The following RNASEH2B variants were observed in gnomAD, a reference collection of about 807,000 sequenced individuals.
The protein encoded by RNASEH2B is Aicardi-Goutieres syndrome 2 protein.
RNASEH2B carries 36 observed loss-of-function variants against 45.0 expected under a neutral mutation model. The ratio of observed to expected loss-of-function variants is 0.80; its 90% CI spans 0.61 to 1.06. The LOEUF is 1.06. Ranked by LOEUF, RNASEH2B falls within the 50% of genes least tolerant of loss-of-function variation. The pLI, the probability that RNASEH2B is intolerant of heterozygous loss-of-function variation, is 0.00. For synonymous variants in RNASEH2B, 119 were observed against 125.7 expected, an observed-to-expected ratio of 0.95 and a Z score of 0.35; for missense variants, 361 against 360.3, an observed-to-expected ratio of 1.00 and a Z score of -0.02.
intron 9 of RNASEH2B, among the ~76,000 whole-genome samples, chr13:50,963,180 T>C (rs955326297): frequency 6.6e-6 from 1 of 152,280 alleles, no homozygotes; most frequent in Non-Finnish European, 1.5e-5. Context: ...TTATTTATTT[T>C]TGAGATGGAG....
At chr13:50,935,250 A>G (rs1951733060) in intron 5 of RNASEH2B, 1 of 497,140 alleles carries the variant, frequency 2.0e-6, no homozygotes, top group Admixed American at 3.4e-5. Flanking sequence ...CTTCAGTCTC[A>G]CTTCTTCTTT....
intron 1 of RNASEH2B, among the ~76,000 whole-genome samples, chr13:50,924,459 A>G (rs1951565085): frequency 6.6e-6 from 1 of 152,212 alleles, no homozygotes. Flanking sequence ...GTCTATTGGG[A>G]AGATATCATA....
At chr13:50,965,684 A>C (rs777634762) in intron 9 of RNASEH2B, among the ~76,000 whole-genome samples, 1 of 152,216 alleles carries the variant, frequency 6.6e-6, no homozygotes, top group Non-Finnish European at 1.5e-5. Flanking sequence ...AAACTCACTC[A>C]TAAACTTGTA....
chr13:50,918,917 C>G (rs1435525744), intron 1 of RNASEH2B, among the ~76,000 whole-genome samples: 1 of 151,876 alleles, frequency 6.6e-6, no homozygotes, highest in Admixed American at 6.6e-5. Flanking sequence ...TTTCTTTTTT[C>G]TATTGGATCT....
At chr13:50,945,588 T>A in intron 7 of RNASEH2B, 56 bp downstream of exon 7, 2 of 1,098,560 alleles carry the variant, frequency 1.8e-6, no homozygotes, top group Non-Finnish European at 2.8e-6. Context: ...TGCTTATGTG[T>A]AAATGCCTAT....
chr13:50,927,981 G>C, intron 2 of RNASEH2B, among the ~76,000 whole-genome samples: 1 of 150,140 alleles, frequency 6.7e-6, no homozygotes, highest in East Asian at 1.9e-4. Context: ...TTTTTTCTCC[G>C]TCAGGGGACT....
chr13:50,949,547 A>G (rs751497437), intron 9 of RNASEH2B, 42 bp downstream of exon 9: 54 of 1,543,714 alleles, frequency 3.5e-5, no homozygotes, highest in Non-Finnish European at 4.7e-5. Flanking sequence ...GACTTAGAAA[A>G]ATATTACACT....
rs1004925162 is a variant in RNASEH2B at position 50,910,036 on chromosome 13, C to T, written c.-41C>T. On this transcript the variant is annotated 5_prime_UTR_variant, in exon 1 of 11. Transcript: ENST00000336617. ...TCGGCGGGGCTGGGAGACTGAGGCC[C>T]GCGGCGCTGAGCCTGCGGCGCCCCG... 10 of 1,458,868 alleles carry T rather than the reference C, an allele frequency of 6.9e-6. No homozygotes were observed. In the East Asian group the frequency reaches 1.5e-4, roughly 22 times the overall value. 90.4% of individuals were successfully genotyped at this position (1,458,868 alleles called of 1,614,324 possible). A position where few individuals can be genotyped will look rare whatever the true frequency, so the allele number is the denominator to read the frequency against.
At chr13:50,933,697 AG>A (rs1406650931) in intron 4 of RNASEH2B, among the ~76,000 whole-genome samples, 1 of 152,230 alleles carries the variant, frequency 6.6e-6, no homozygotes, top group African/African-American at 2.4e-5. Context: ...ATGAAACACT[AG>A]TTAATTACAA....
intron 5 of RNASEH2B, among the ~76,000 whole-genome samples, chr13:50,939,948 T>G (rs1951813676): frequency 6.6e-6 from 1 of 152,150 alleles, no homozygotes; most frequent in African/African-American, 2.4e-5. Flanking sequence ...TTTTGAAAAA[T>G]GCCATTAAGA....
chr13:50,918,304 A>T, intron 1 of RNASEH2B, among the ~76,000 whole-genome samples: 1 of 151,848 alleles, frequency 6.6e-6, no homozygotes, highest in East Asian at 1.9e-4. Flanking sequence ...TGCCCAGCTA[A>T]TTTTTTGTAT....
chr13:50,931,955 T>TACACACACAC (rs60335654), intron 4 of RNASEH2B, among the ~76,000 whole-genome samples: 31,089 of 148,778 alleles, frequency 0.21, 3,400 homozygotes, highest in Non-Finnish European at 0.25. Flanking sequence ...CATCTCATTT[T>TACACACACAC]ACACACACAC....
intron 3 of RNASEH2B, chr13:50,930,295 C>G: frequency 3.2e-6 from 1 of 315,736 alleles, no homozygotes; most frequent in East Asian, 8.7e-5. Context: ...TTTACTGCAG[C>G]TTTATAGATA....
intron 1 of RNASEH2B, among the ~76,000 whole-genome samples, chr13:50,916,679 C>T (rs1286164837): frequency 6.6e-6 from 1 of 152,184 alleles, no homozygotes; most frequent in Non-Finnish European, 1.5e-5. Flanking sequence ...ACAACCATAG[C>T]CTCCTGCAAA....
chr13:50,926,570 A>G (rs1017648682), intron 1 of RNASEH2B, among the ~76,000 whole-genome samples: 7 of 152,174 alleles, frequency 4.6e-5, no homozygotes, highest in Non-Finnish European at 1.0e-4. Flanking sequence ...AAATATTTAA[A>G]TTGGATTTCC....
chr13:50,957,658 C>G (rs1037606428), downstream of RNASEH2B, among the ~76,000 whole-genome samples: 1 of 152,178 alleles, frequency 6.6e-6, no homozygotes, highest in Admixed American at 6.5e-5. Context: ...AATGGTAGTT[C>G]TGTTTTTAGT....
Position 50,956,577 on chromosome 13 carries a change from C to T in RNASEH2B, c.*103C>T, listed in dbSNP as rs1952054455. 4 of 1,518,436 alleles carry T rather than the reference C, an allele frequency of 2.6e-6. No individual in the cohort carries two copies. The highest frequency in any genetic ancestry group is 3.5e-6 in the Non-Finnish European group (4 of 1,131,400). 94.1% of individuals were successfully genotyped at this position (1,518,436 alleles called of 1,614,324 possible). ...CCTTTGGTTGGGGGAAGGAAGAGGC[C>T]AATTTCATGTTCTCTTAAACATTTC... is the stretch of plus-strand genomic sequence containing the variant. On this transcript the variant is annotated 3_prime_UTR_variant, in exon 11 of 11. Coordinates refer to ENST00000336617, the MANE Select transcript of RNASEH2B (RefSeq NM_024570.4).
chr13:50,950,556 C>G (rs1157806852), intron 9 of RNASEH2B: 1 of 152,210 alleles, frequency 6.6e-6, no homozygotes, highest in East Asian at 1.9e-4. Flanking sequence ...ATGCGTCTTT[C>G]ATTCCGGTAG....
At chr13:50,931,799 T>C (rs895426843) in intron 4 of RNASEH2B, among the ~76,000 whole-genome samples, 1 of 152,228 alleles carries the variant, frequency 6.6e-6, no homozygotes, top group Non-Finnish European at 1.5e-5. Context: ...TCAGTTAACT[T>C]TCTATGCTCT....
Sources: gnomAD v4.1 joint callset for allele counts (sites outside exome capture counted in the v4.1 genomes callset) on GRCh38, gnomAD v4.1.1 for gene constraint, MANE v1.5 for transcripts, NCBI Gene and HGNC (gene_info 2026-07-23, HGNC 2026-07-21) for gene names.